GLIS3: variants seen among roughly 807,000 people sequenced by gnomAD.
The protein encoded by GLIS3 is GLIS family zinc finger 3.
In GLIS3, 53 loss-of-function variants were observed where a neutral mutation model predicts 78.6. The ratio of observed to expected loss-of-function variants is 0.67; its 90% CI spans 0.54 to 0.85. The LOEUF is 0.85. Ranked by LOEUF, GLIS3 falls within the 40% of genes least tolerant of loss-of-function variation. GLIS3 has a pLI of 0.00. For synonymous variants in GLIS3, 684 were observed against 509.9 expected (o/e 1.34, Z -4.60); for missense variants, 1,703 against 1,231.1 (o/e 1.38, Z -5.74).
At chr9:4,315,247 C>G (rs10814924) in intron 2 of GLIS3, among the ~76,000 whole-genome samples, 39,508 of 152,052 alleles carry the variant, frequency 0.26, 5,328 homozygotes, top group East Asian at 0.45. Context: ...TTGTCAGTCT[C>G]TAGTGCACTT....
Position 4,262,933 on chromosome 9 carries a change from CAA to C in GLIS3, c.388+23103_388+23104del, listed in dbSNP as rs34292499. 3.8e-3 allele frequency among the ~76,000 whole-genome samples: 373 copies of C among 97,850 alleles called. 2 individuals are homozygous for C. Among genetic ancestry groups the C allele is most frequent in the Middle Eastern group, 5.3e-3 (1 of 188 alleles). 64.2% of individuals were successfully genotyped at this position (97,850 alleles called of 152,430 possible). ...ATGTTGATTGTTTCAGTGTTTGCCT[CAA>C]AAAAAAAAAAAAAAAAAAAAATCCC... On this transcript the variant is annotated intron_variant, in intron 2 of 10. Transcript: ENST00000381971.
intron 10 of GLIS3, 21 bp from the exon 11 acceptor site, chr9:3,828,429 T>C: frequency 1.9e-6 from 3 of 1,612,010 alleles, no homozygotes; most frequent in Non-Finnish European, 1.7e-6. Flanking sequence ...AAGAACGCAG[T>C]TAAGTCAGTA....
At chr9:4,385,218 G>A in the GLIS3 span, among the ~76,000 whole-genome samples, 11 of 152,124 alleles carry the variant, frequency 7.2e-5, no homozygotes, top group South Asian at 4.2e-4. Flanking sequence ...CCCACATTCC[G>A]TTTCTTCGTG....
chr9:4,304,395 A>C (rs1261405617), upstream of GLIS3, among the ~76,000 whole-genome samples: 2 of 152,154 alleles, frequency 1.3e-5, no homozygotes, highest in Non-Finnish European at 2.9e-5. Context: ...ATTGCTTCCT[A>C]TTTCTTGAGG....
At chr9:4,383,936 A>G in the GLIS3 span, among the ~76,000 whole-genome samples, 1 of 152,112 alleles carries the variant, frequency 6.6e-6, no homozygotes, top group Non-Finnish European at 1.5e-5. Flanking sequence ...GAGAGCACGA[A>G]CCCCTCAATT....
chr9:4,477,565 C>T, the GLIS3 span, among the ~76,000 whole-genome samples: 9 of 152,084 alleles, frequency 5.9e-5, no homozygotes, highest in Admixed American at 2.6e-4. Context: ...CAGATGTGCA[C>T]ACCACACCCA....
the GLIS3 span, among the ~76,000 whole-genome samples, chr9:4,445,450 G>A: frequency 6.6e-6 from 1 of 152,016 alleles, no homozygotes; most frequent in Admixed American, 6.6e-5. Flanking sequence ...AACATAGTGG[G>A]ACCTAGTCTC....
chr9:3,867,512 T>C (rs1292692414), intron 8 of GLIS3, among the ~76,000 whole-genome samples: 1 of 152,234 alleles, frequency 6.6e-6, no homozygotes, highest in Non-Finnish European at 1.5e-5. Context: ...GGCTGGCCAT[T>C]CTACCCTGGA....
intron 2 of GLIS3, among the ~76,000 whole-genome samples, chr9:4,278,525 C>A (rs1312990458): frequency 6.6e-6 from 1 of 152,056 alleles, no homozygotes; most frequent in African/African-American, 2.4e-5. Flanking sequence ...GTAATGAATT[C>A]TAACAGAATA....
chr9:4,316,617 C>G lies in GLIS3; in HGVS notation n.265-6089G>C, dbSNP rs56392098. On this transcript the variant is annotated intron_variant and non_coding_transcript_variant, in intron 2 of 4. Coordinates refer to the GLIS3 transcript ENST00000471664. ...AAAGTGTGCATGCTAGGTGAATCAGCATGTCTAAATGGTCCCAGTGTGAGT... is the reference window on the plus strand; with the variant it reads ...AAAGTGTGCATGCTAGGTGAATCAGGATGTCTAAATGGTCCCAGTGTGAGT... Among the ~76,000 whole-genome samples, 1,363 of 152,224 alleles carry G rather than the reference C, an allele frequency of 9.0e-3. 23 individuals are homozygous for G. The highest frequency in any genetic ancestry group is 0.031 in the African/African-American group (1,304 of 41,528).
intron 4 of GLIS3, among the ~76,000 whole-genome samples, chr9:3,948,191 G>T (rs1370185974): frequency 1.3e-5 from 2 of 152,120 alleles, no homozygotes; most frequent in Admixed American, 6.5e-5. Context: ...TTTCTGCATA[G>T]CTTTCCCATC....
intron 9 of GLIS3, among the ~76,000 whole-genome samples, chr9:3,842,041 C>A (rs1444484354): frequency 3.9e-5 from 6 of 152,200 alleles, no homozygotes; most frequent in Non-Finnish European, 8.8e-5. Flanking sequence ...TCCAACTAAG[C>A]TTTGCTGTAA....
At chr9:4,390,679 G>C in the GLIS3 span, among the ~76,000 whole-genome samples, 3 of 152,198 alleles carry the variant, frequency 2.0e-5, no homozygotes, top group African/African-American at 4.8e-5. Context: ...CTTTCTCTCA[G>C]GCTAGAAGAT....
At chr9:4,422,642 G>T in the GLIS3 span, among the ~76,000 whole-genome samples, 1 of 152,214 alleles carries the variant, frequency 6.6e-6, no homozygotes, top group Non-Finnish European at 1.5e-5. Flanking sequence ...CAGTCTACCG[G>T]GGGAAGTCAG....
chr9:4,439,049 G>C, the GLIS3 span, among the ~76,000 whole-genome samples: 2 of 152,160 alleles, frequency 1.3e-5, no homozygotes, highest in Non-Finnish European at 1.5e-5. Context: ...AATGGCCAAT[G>C]TTGGTTCCTC....
chr9:4,100,562 A>C (rs17880081), intron 4 of GLIS3, among the ~76,000 whole-genome samples: 24,252 of 152,168 alleles, frequency 0.16, 2,020 homozygotes, highest in Middle Eastern at 0.21. Flanking sequence ...AAAATTACAT[A>C]ATCTTAAACA....
chr9:4,238,300 C>T (rs961627506), intron 2 of GLIS3, among the ~76,000 whole-genome samples: 1 of 152,040 alleles, frequency 6.6e-6, no homozygotes, highest in African/African-American at 2.4e-5. Context: ...CTAAGCTCTG[C>T]CCAGAATAGA....
intron 2 of GLIS3, among the ~76,000 whole-genome samples, chr9:4,190,407 C>T (rs927931069): frequency 9.9e-5 from 15 of 151,158 alleles, no homozygotes; most frequent in South Asian, 4.3e-4. Context: ...GGAGCCGATG[C>T]GATCAACTGG....
chr9:3,887,634 G>A (rs2130521927), intron 7 of GLIS3, among the ~76,000 whole-genome samples: 1 of 152,290 alleles, frequency 6.6e-6, no homozygotes, highest in Admixed American at 6.5e-5. Flanking sequence ...CCAGGGAAGA[G>A]GTGTTAGTGT....
Sources: allele counts gnomAD v4.1 joint callset (sites outside exome capture counted in the v4.1 genomes callset), GRCh38; gene constraint gnomAD v4.1.1; transcripts MANE v1.5; gene names NCBI Gene and HGNC (gene_info 2026-07-23, HGNC 2026-07-21).